GRK5: variants seen among roughly 807,000 people sequenced by gnomAD.
GRK5 encodes g protein-coupled receptor kinase GRK5.
GRK5 carries 40 observed loss-of-function variants against 78.4 expected under a neutral mutation model. The observed-to-expected ratio is 0.51, with a 90% CI of 0.40 to 0.66. The LOEUF (loss-of-function observed/expected upper bound fraction) is 0.66. Among genes scored for constraint, GRK5 ranks in the 30% least tolerant of loss-of-function variants. The pLI is 0.00. For missense variants in GRK5, 598 were observed against 759.9 expected (o/e 0.79, Z 2.50); for synonymous variants, 289 against 296.8 (o/e 0.97, Z 0.27).
In GRK5 at chr10:119,289,050, C is replaced by T. The variant is rs535047882; in HGVS notation, c.53-37466C>T. Among the ~76,000 whole-genome samples the T allele has an allele frequency of 1.8e-4, 28 of 152,246 alleles. No individual in the cohort carries two copies. The South Asian group carries it at 5.8e-3, about 32-fold the overall frequency. On this transcript the variant is annotated intron_variant, in intron 1 of 15. Coordinates refer to ENST00000392870, the MANE Select transcript of GRK5 (RefSeq NM_005308.3). The stretch of plus-strand genomic sequence containing the variant: ...CCTTAAGCAAAACTTTTTTTTCCCT[C>T]CAACACTTGTATTTTTAACTTCATG...
chr10:119,310,831 C>A (rs1850346073), intron 1 of GRK5, among the ~76,000 whole-genome samples: 1 of 152,176 alleles, frequency 6.6e-6, no homozygotes, highest in African/African-American at 2.4e-5. Flanking sequence ...GGTTATTAAG[C>A]CAATTGGGAA....
intron 1 of GRK5, among the ~76,000 whole-genome samples, chr10:119,240,620 A>C (rs1401078719): frequency 6.6e-6 from 1 of 152,180 alleles, no homozygotes; most frequent in Non-Finnish European, 1.5e-5. Context: ...TTTGTTGGCC[A>C]CATAAATGTC....
intron 1 of GRK5, among the ~76,000 whole-genome samples, chr10:119,321,044 C>T (rs1440477873): frequency 6.6e-6 from 1 of 152,244 alleles, no homozygotes; most frequent in African/African-American, 2.4e-5. Context: ...ATCAAATATG[C>T]AGCTTCACAA....
chr10:119,335,695 C>A (rs1046474347), intron 2 of GRK5, among the ~76,000 whole-genome samples: 42 of 152,234 alleles, frequency 2.8e-4, no homozygotes, highest in African/African-American at 8.9e-4. Flanking sequence ...CACTGGCTAA[C>A]AGATACTTGT....
At chr10:119,369,567 G>A (rs1321337186) in intron 2 of GRK5, among the ~76,000 whole-genome samples, 2 of 152,220 alleles carry the variant, frequency 1.3e-5, no homozygotes, top group Non-Finnish European at 2.9e-5. Flanking sequence ...TTTTAGGAGA[G>A]CTGTTTTCCC....
At chr10:119,354,274 C>G (rs1254866767) in intron 2 of GRK5, among the ~76,000 whole-genome samples, 3 of 151,948 alleles carry the variant, frequency 2.0e-5, no homozygotes, top group African/African-American at 4.8e-5. Context: ...CTAAAATCTA[C>G]TCTCTTAGCA....
intron 1 of GRK5, among the ~76,000 whole-genome samples, chr10:119,316,947 C>T (rs932665246): frequency 6.6e-6 from 1 of 152,200 alleles, no homozygotes; most frequent in African/African-American, 2.4e-5. Context: ...CATGCCCAGC[C>T]CCCCTCATGA....
intron 6 of GRK5, among the ~76,000 whole-genome samples, chr10:119,426,468 G>C (rs570161746): frequency 6.6e-6 from 1 of 152,040 alleles, no homozygotes; most frequent in African/African-American, 2.4e-5. Flanking sequence ...TCCCAAGGAG[G>C]GTCCTCAGAA....
chr10:119,452,841 G>A lies in GRK5; in HGVS notation c.1542+33G>A. 3.2e-6 allele frequency: 5 copies of A among 1,546,292 alleles called. No homozygotes were observed. Among genetic ancestry groups the A allele is most frequent in the Non-Finnish European group, 4.4e-6 (5 of 1,124,560 alleles). On this transcript the variant is annotated intron_variant, in intron 14 of 15. Transcript: ENST00000392870. This position sits in a 1 kb window ranked among gnomAD's most constrained non-coding sequence, Gnocchi z 4.4. ...GGGCAGACCACTTGCTTTGGTCTGGGTGGGAGGGAGGGACTGACGGGTGGA... is the reference window on the plus strand; with the variant it reads ...GGGCAGACCACTTGCTTTGGTCTGGATGGGAGGGAGGGACTGACGGGTGGA...
At chr10:119,243,823 C>T (rs76799521) in intron 1 of GRK5, among the ~76,000 whole-genome samples, 3,295 of 152,252 alleles carry the variant, frequency 0.022, 62 homozygotes, top group Admixed American at 0.057. Flanking sequence ...TGTGTGAGCA[C>T]GAGGCACCCC....
chr10:119,413,956 G>A (rs1191181328), intron 4 of GRK5, among the ~76,000 whole-genome samples: 1 of 152,206 alleles, frequency 6.6e-6, no homozygotes, highest in African/African-American at 2.4e-5. Context: ...GGGTCAAGGG[G>A]CGGCCAGGGT....
rs12721548 is a variant in GRK5, at chr10:119,455,251, G to A, written c.*184G>A. The A allele has an allele frequency of 8.8e-5, 62 of 704,054 alleles. No homozygotes were observed. The highest frequency in any genetic ancestry group is 1.5e-4 in the Non-Finnish European group (57 of 386,924). The allele number at this position is 704,054 out of a possible 1,614,324, so 43.6% of individuals were successfully genotyped here. On this transcript the variant is annotated 3_prime_UTR_variant, in exon 16 of 16. Coordinates refer to ENST00000392870, the MANE Select transcript of GRK5 (RefSeq NM_005308.3). Reference sequence around the variant, plus strand: ...CTCAAAGAAATTTCCACTCAGGTCTGTTTTCCGAGGCGGCCCCGGCCGGGG... The same window carrying A: ...CTCAAAGAAATTTCCACTCAGGTCTATTTTCCGAGGCGGCCCCGGCCGGGG...
At chr10:119,244,490 A>G (rs1589698714) in intron 1 of GRK5, among the ~76,000 whole-genome samples, 1 of 152,270 alleles carries the variant, frequency 6.6e-6, no homozygotes, top group Non-Finnish European at 1.5e-5. Flanking sequence ...AAAGATGCTC[A>G]ATATCACTAG....
At chr10:119,394,311 C>T (rs1350112398) in intron 3 of GRK5, among the ~76,000 whole-genome samples, 273 of 6,076 alleles carry the variant, frequency 0.045, 31 homozygotes, top group South Asian at 0.064. Context: ...TCTGTGTGGG[C>T]ACGTGGGTGT....
chr10:119,399,246 TC>T (rs1200881781), intron 4 of GRK5, among the ~76,000 whole-genome samples: 3 of 152,248 alleles, frequency 2.0e-5, no homozygotes, highest in Non-Finnish European at 2.9e-5. Flanking sequence ...AGGTGGTTGA[TC>T]CATGCCTTGG....
At chr10:119,249,061 A>G (rs904359764) in intron 1 of GRK5, among the ~76,000 whole-genome samples, 4 of 152,072 alleles carry the variant, frequency 2.6e-5, no homozygotes, top group Non-Finnish European at 5.9e-5. Context: ...CTGAGGTCAG[A>G]AGTTCAAGAC....
intron 4 of GRK5, among the ~76,000 whole-genome samples, chr10:119,420,501 C>T (rs1436715256): frequency 6.6e-6 from 1 of 151,670 alleles, no homozygotes; most frequent in Non-Finnish European, 1.5e-5. Context: ...TTCTGTCTTA[C>T]TGGAGAAAAA....
chr10:119,254,734 G>T (rs1371579618), intron 1 of GRK5, among the ~76,000 whole-genome samples: 2 of 152,032 alleles, frequency 1.3e-5, no homozygotes, highest in African/African-American at 4.8e-5. Context: ...GGGACCTTGG[G>T]ATGTATGATG....
chr10:119,239,580 G>A (rs890651967), intron 1 of GRK5, among the ~76,000 whole-genome samples: 13 of 152,092 alleles, frequency 8.5e-5, no homozygotes, highest in African/African-American at 2.9e-4. Flanking sequence ...TGTGCAGAAC[G>A]TGCAGGTTTG....
Sources: gnomAD v4.1 joint callset for allele counts (sites outside exome capture counted in the v4.1 genomes callset) on GRCh38, gnomAD v4.1.1 for gene constraint, Gnocchi (gnomAD v3.1) non-coding constraint, MANE v1.5 for transcripts, NCBI Gene and HGNC (gene_info 2026-07-23, HGNC 2026-07-21) for gene names.